LRRIQ3: variants seen among roughly 807,000 people sequenced by gnomAD.
The protein encoded by LRRIQ3 is leucine rich repeats and IQ motif containing 3.
In LRRIQ3, 75 loss-of-function variants were observed where a neutral mutation model predicts 59.3. The ratio of observed to expected loss-of-function variants is 1.26; its 90% CI spans 1.05 to 1.53. The LOEUF is 1.53. Ranked by LOEUF, LRRIQ3 falls within the 40% of genes most tolerant of loss-of-function variation. The probability of loss-of-function intolerance (pLI) is 0.00; values close to 1 mark genes in which losing one functional copy is unlikely to be tolerated. For missense variants in LRRIQ3, 831 were observed against 710.0 expected (o/e 1.17, Z -1.94); for synonymous variants, 250 against 231.3 (o/e 1.08, Z -0.73).
chr1:74,049,184 A>G (rs919512790), intron 6 of LRRIQ3, among the ~76,000 whole-genome samples: 2 of 152,192 alleles, frequency 1.3e-5, no homozygotes, highest in Non-Finnish European at 2.9e-5. Flanking sequence ...GCCACCTGAA[A>G]TCCACTAAGT....
intron 4 of LRRIQ3, among the ~76,000 whole-genome samples, chr1:74,141,899 C>T (rs538438098): frequency 5.3e-5 from 8 of 151,704 alleles, no homozygotes; most frequent in Non-Finnish European, 1.0e-4. Flanking sequence ...AGAGATTAAA[C>T]TGAGTTACCA....
chr1:74,080,786 C>A (rs1402762493), intron 5 of LRRIQ3, among the ~76,000 whole-genome samples: 1 of 151,546 alleles, frequency 6.6e-6, no homozygotes, highest in Non-Finnish European at 1.5e-5. Context: ...GGCAGCACAG[C>A]CTCTCATTAA....
chr1:74,136,301 A>G lies in LRRIQ3; in HGVS notation c.707+19432T>C, dbSNP rs139808411. On this transcript the variant is annotated intron_variant, in intron 4 of 7. Transcript: ENST00000354431. ...GCTTCACTGGTGAATTTTACTAAAC[A>G]TTTAAGATAGAAATAATACCAATCT... Among the ~76,000 whole-genome samples the G allele has an allele frequency of 8.5e-3, 1,291 of 152,100 alleles. 6 individuals are homozygous for G. The highest frequency in any genetic ancestry group is 0.012 in the Non-Finnish European group (782 of 67,936).
At chr1:74,192,848 T>A (rs1420391204) in intron 1 of LRRIQ3, among the ~76,000 whole-genome samples, 1 of 152,192 alleles carries the variant, frequency 6.6e-6, no homozygotes, top group East Asian at 1.9e-4. Context: ...AACTTTCCAA[T>A]CATTATGGAA....
At chr1:74,027,234 T>C (rs765010317) in intron 7 of LRRIQ3, among the ~76,000 whole-genome samples, 9 of 152,036 alleles carry the variant, frequency 5.9e-5, no homozygotes, top group Non-Finnish European at 1.3e-4. Flanking sequence ...CCCTATGTCA[T>C]CACCTAAAAT....
At chr1:74,186,240 T>C (rs745551450) in intron 1 of LRRIQ3, among the ~76,000 whole-genome samples, 6 of 151,990 alleles carry the variant, frequency 3.9e-5, no homozygotes, top group Non-Finnish European at 5.9e-5. Flanking sequence ...CAAATATAGT[T>C]AGTAATGTCT....
In LRRIQ3 at chr1:74,180,342, AT is replaced by A. The variant is rs1649904095; in HGVS notation, c.573+2195del. On this transcript the variant is annotated intron_variant, in intron 3 of 7. Coordinates refer to ENST00000354431, the MANE Select transcript of LRRIQ3 (RefSeq NM_001105659.2). The stretch of plus-strand genomic sequence containing the variant: ...GTTTTCAGCCTTTATTGATCCCTGT[AT>A]TTACCTGAGAGAACTAGGCTTTAAC... 2.9e-5 allele frequency: 5 copies of A among 174,156 alleles called. No homozygotes were observed. The South Asian group carries it at 7.0e-4, about 24-fold the overall frequency. The allele number at this position is 174,156 out of a possible 1,614,324, so 10.8% of individuals were successfully genotyped here.
chr1:74,183,549 A>G lies in LRRIQ3; in HGVS notation c.136T>C (p.Leu46=). The change falls in exon 2 of 8, where the codon TTG becomes CTG. Residue 46 remains leucine (L), a synonymous_variant. Transcript: ENST00000354431. ...ACTCTAAGAGAGATGCAAGACTGCA[A>G]ATTTTCCATAGACTTTAAATGAAGG... is the stretch of plus-strand genomic sequence containing the variant. ...NGLHLKSMEN[L]QSCISLRVCI... The G allele has an allele frequency of 1.2e-6, 2 of 1,612,260 alleles. No individual in the cohort carries two copies. The highest frequency in any genetic ancestry group is 2.2e-5 in the South Asian group (2 of 90,980).
rs933366868 is a variant in LRRIQ3 at position 74,099,095 on chromosome 1, C to CA, written c.867+10298dup. 1.4e-4 allele frequency among the ~76,000 whole-genome samples: 22 copies of CA among 152,026 alleles called. No individual in the cohort carries two copies. The East Asian group carries it at 2.5e-3, about 17-fold the overall frequency. The stretch of plus-strand genomic sequence containing the variant: ...GAGATAGAGACACAAAAAAAACCTT[C>CA]AAAAAATCAATGAATTCAGGAGCTG... On this transcript the variant is annotated intron_variant, in intron 5 of 7. Transcript: ENST00000354431.
At chr1:74,091,502 A>T (rs796644425) in intron 5 of LRRIQ3, among the ~76,000 whole-genome samples, 24 of 152,266 alleles carry the variant, frequency 1.6e-4, no homozygotes, top group African/African-American at 5.5e-4. Flanking sequence ...AGAACAAAAA[A>T]TTAAAATTTA....
At position 74,041,883 on chromosome 1, in the gene LRRIQ3, T is replaced by C. The variant is rs773898777; in HGVS notation, c.1048A>G (p.Arg350Gly). 9.9e-6 allele frequency: 16 copies of C among 1,608,590 alleles called. No individual in the cohort carries two copies. The South Asian group carries it at 1.7e-4, about 17-fold the overall frequency. The change falls in exon 7 of 8, where the codon AGG becomes GGG. Residue 350 changes from arginine (R) to glycine (G), a missense_variant. Transcript: ENST00000354431. The stretch of plus-strand genomic sequence containing the variant: ...ATGGGTAGTTTGAAAACTGATATCC[T>C]AAAACTGGTATCCAATTTTTCATCC... Reference protein sequence around the residue: ...IVDEKLDTSFRISVFKLPIYT... With the variant: ...IVDEKLDTSFGISVFKLPIYT...
chr1:74,138,875 A>G (rs1486965269), intron 4 of LRRIQ3, among the ~76,000 whole-genome samples: 4 of 151,600 alleles, frequency 2.6e-5, no homozygotes, highest in Admixed American at 6.6e-5. Context: ...TACAGCCCCC[A>G]GTCCACTTAT....
chr1:74,085,072 T>G (rs1322874481), intron 5 of LRRIQ3, among the ~76,000 whole-genome samples: 10 of 151,752 alleles, frequency 6.6e-5, no homozygotes, highest in Non-Finnish European at 1.3e-4. Flanking sequence ...ATGATTCCCT[T>G]CAATCTTCCC....
intron 4 of LRRIQ3, among the ~76,000 whole-genome samples, chr1:74,120,219 G>T (rs1291297721): frequency 6.6e-6 from 1 of 151,714 alleles, no homozygotes; most frequent in Non-Finnish European, 1.5e-5. Context: ...CTGGGTTCAA[G>T]TGATTCTCCT....
intron 5 of LRRIQ3, among the ~76,000 whole-genome samples, chr1:74,099,828 C>A (rs1646504819): frequency 6.6e-6 from 1 of 152,080 alleles, no homozygotes; most frequent in African/African-American, 2.4e-5. Flanking sequence ...TCAATAGATG[C>A]AGAAAAGGCC....
chr1:74,164,886 T>C (rs988581635), intron 3 of LRRIQ3, among the ~76,000 whole-genome samples: 6 of 151,528 alleles, frequency 4.0e-5, no homozygotes, highest in Non-Finnish European at 8.9e-5. Flanking sequence ...TGGCTATGGA[T>C]ACCCAATTGC....
intron 6 of LRRIQ3, among the ~76,000 whole-genome samples, chr1:74,048,072 G>T (rs1378137123): frequency 1.3e-5 from 2 of 152,086 alleles, no homozygotes; most frequent in African/African-American, 2.4e-5. Context: ...CCTGATCTCA[G>T]ACTCAGACTC....
chr1:74,172,086 A>G (rs191207450), intron 3 of LRRIQ3, among the ~76,000 whole-genome samples: 8 of 151,890 alleles, frequency 5.3e-5, no homozygotes, highest in Middle Eastern at 3.4e-3. Flanking sequence ...TTTCTTTGCT[A>G]TTCCGTATTT....
chr1:74,031,246 G>C (rs1264833287), intron 7 of LRRIQ3, among the ~76,000 whole-genome samples: 27 of 152,106 alleles, frequency 1.8e-4, no homozygotes, highest in Non-Finnish European at 2.9e-5. Flanking sequence ...ATTTGACCCA[G>C]CCATCCCATT....
Sources: allele counts gnomAD v4.1 joint callset (sites outside exome capture counted in the v4.1 genomes callset), GRCh38; gene constraint gnomAD v4.1.1; transcripts MANE v1.5; gene names NCBI Gene and HGNC (gene_info 2026-07-23, HGNC 2026-07-21).